Variants in GSTCD observed in about 807,000 individuals in gnomAD.
The protein encoded by GSTCD is glutathione S-transferase C-terminal domain containing, also known as glutathione S-transferase C-terminal domain-containing protein.
In GSTCD, 44 loss-of-function variants were observed where a neutral mutation model predicts 68.3. The observed-to-expected ratio is 0.64, with a 90% CI of 0.51 to 0.83. The LOEUF (loss-of-function observed/expected upper bound fraction) is 0.83, where lower values mean the gene tolerates loss of function less well. GSTCD is among the 40% of genes least tolerant of loss of function. GSTCD has a pLI of 0.00. For synonymous variants in GSTCD, 273 were observed against 255.2 expected, an observed-to-expected ratio of 1.07 and a Z score of -0.67; for missense variants, 739 against 735.9, an observed-to-expected ratio of 1.00 and a Z score of -0.05.
chr4:105,841,674 G>GGA (rs1553967550), intron 10 of GSTCD, among the ~76,000 whole-genome samples: 1 of 150,118 alleles, frequency 6.7e-6, no homozygotes, highest in East Asian at 2.0e-4. Context: ...CGTTTCTATT[G>GGA]AAAAAAAAAT....
At chr4:105,818,368 T>G (rs1723108915) in intron 5 of GSTCD, among the ~76,000 whole-genome samples, 1 of 151,868 alleles carries the variant, frequency 6.6e-6, no homozygotes. Context: ...CCTAAAGTTT[T>G]AAAGCAAGGA....
chr4:105,814,091 A>G (rs568322527), intron 5 of GSTCD, among the ~76,000 whole-genome samples: 7 of 152,256 alleles, frequency 4.6e-5, no homozygotes, highest in African/African-American at 1.4e-4. Flanking sequence ...TTTCGGAAAA[A>G]ATGCCTTCCC....
chr4:105,830,847 A>G (rs1478732237), intron 8 of GSTCD, among the ~76,000 whole-genome samples: 1 of 152,166 alleles, frequency 6.6e-6, no homozygotes, highest in South Asian at 2.1e-4. Context: ...ATACAAAACC[A>G]TGAGAAAAGA....
At position 105,759,301 on chromosome 4, in the gene GSTCD, C is replaced by A. The variant is rs192412762; in HGVS notation, c.1240+29802C>A. 4.0e-4 allele frequency among the ~76,000 whole-genome samples: 60 copies of A among 151,756 alleles called. 1 individual carries two copies. Among genetic ancestry groups the A allele is most frequent in the Middle Eastern group, 3.4e-3 (1 of 292 alleles). On this transcript the variant is annotated intron_variant, in intron 5 of 11. Coordinates refer to ENST00000515279, the MANE Select transcript of GSTCD (RefSeq NM_001370181.1). ...TCTCTACATTGTGCTAACGGAATTC[C>A]CAAGAATATTTATTATTATTATTAT...
intron 5 of GSTCD, among the ~76,000 whole-genome samples, chr4:105,734,602 A>T (rs1159820694): frequency 6.6e-6 from 1 of 152,090 alleles, no homozygotes; most frequent in African/African-American, 2.4e-5. Flanking sequence ...TCTTTTTGCA[A>T]CGTTTTTAGC....
chr4:105,726,015 T>C (rs865860647), intron 3 of GSTCD, among the ~76,000 whole-genome samples: 1 of 152,044 alleles, frequency 6.6e-6, no homozygotes, highest in African/African-American at 2.4e-5. Flanking sequence ...CCATAAAACC[T>C]AGCAATTTGA....
At chr4:105,710,232 A>ACTTTTT (rs1732479601) in intron 1 of GSTCD, among the ~76,000 whole-genome samples, 1 of 85,722 alleles carries the variant, frequency 1.2e-5, no homozygotes, top group Non-Finnish European at 2.0e-5. Context: ...GGGCCCATCA[A>ACTTTTT]TTTTTTTTTT....
chr4:105,789,015 G>C (rs1383678990), intron 5 of GSTCD, among the ~76,000 whole-genome samples: 1 of 152,012 alleles, frequency 6.6e-6, no homozygotes, highest in Non-Finnish European at 1.5e-5. Context: ...GTGTCTTCAA[G>C]GGGAAGTGAC....
intron 5 of GSTCD, among the ~76,000 whole-genome samples, chr4:105,736,925 A>T (rs776865197): frequency 6.6e-6 from 1 of 152,088 alleles, no homozygotes; most frequent in Non-Finnish European, 1.5e-5. Context: ...TTTCATTTTT[A>T]TGGCTGGATA....
At chr4:105,784,673 T>C (rs1020489786) in intron 5 of GSTCD, among the ~76,000 whole-genome samples, 1 of 152,252 alleles carries the variant, frequency 6.6e-6, no homozygotes, top group Non-Finnish European at 1.5e-5. Context: ...ATTGGCAAAC[T>C]AAGGAAAAGC....
At chr4:105,759,536 A>C (rs1020716035) in intron 5 of GSTCD, among the ~76,000 whole-genome samples, 1 of 152,154 alleles carries the variant, frequency 6.6e-6, no homozygotes, top group Non-Finnish European at 1.5e-5. Flanking sequence ...AGACTGAGCT[A>C]CTTGAGGGCA....
At chr4:105,719,892 C>G (rs1732806840) in intron 3 of GSTCD, among the ~76,000 whole-genome samples, 1 of 151,480 alleles carries the variant, frequency 6.6e-6, no homozygotes, top group Non-Finnish European at 1.5e-5. Flanking sequence ...CAAGTCGGCT[C>G]TGTGGTGCAA....
chr4:105,719,709 A>G, intron 3 of GSTCD, 182 bp downstream of exon 3: 1 of 570,242 alleles, frequency 1.8e-6, no homozygotes, highest in South Asian at 2.2e-5. Flanking sequence ...GGAAAAATGT[A>G]AGGAACAAAT....
intron 5 of GSTCD, among the ~76,000 whole-genome samples, chr4:105,765,569 A>G (rs1734572402): frequency 1.3e-5 from 2 of 152,224 alleles, no homozygotes; most frequent in Non-Finnish European, 2.9e-5. Context: ...TCAGGTGCAT[A>G]TGCACAGTGA....
chr4:105,726,776 G>A lies in GSTCD; in HGVS notation c.1092G>A (p.Glu364=). 1 of 1,613,642 alleles carries A rather than the reference G, an allele frequency of 6.2e-7. No individual in the cohort carries two copies. The highest frequency in any genetic ancestry group is 8.5e-7 in the Non-Finnish European group (1 of 1,179,704). The change falls in exon 4 of 12, where the codon GAG becomes GAA. Residue 364 remains glutamate, a synonymous_variant. Coordinates refer to ENST00000515279, the MANE Select transcript of GSTCD (RefSeq NM_001370181.1). ...TATGTGAAGTCCCAGGTGTAGAAGAGCAAAGCGATCCTTTATTTATAGGAG... is the reference window on the plus strand; with the variant it reads ...TATGTGAAGTCCCAGGTGTAGAAGAACAAAGCGATCCTTTATTTATAGGAG... ...PNLCEVPGVE[E]QSDPLFIGGP...
At chr4:105,837,529 G>C (rs116093546) in intron 9 of GSTCD, among the ~76,000 whole-genome samples, 1 of 152,196 alleles carries the variant, frequency 6.6e-6, no homozygotes, top group Non-Finnish European at 1.5e-5. Context: ...GTCCTCTCCT[G>C]ATCTGTTGGC....
chr4:105,838,550 C>G (rs1560856264), intron 10 of GSTCD, among the ~76,000 whole-genome samples: 1 of 152,210 alleles, frequency 6.6e-6, no homozygotes, highest in African/African-American at 2.4e-5. Context: ...TGGTCATAGG[C>G]TAGACTTGGC....
At chr4:105,782,642 A>G (rs908980415) in intron 5 of GSTCD, among the ~76,000 whole-genome samples, 1 of 152,008 alleles carries the variant, frequency 6.6e-6, no homozygotes, top group Non-Finnish European at 1.5e-5. Flanking sequence ...CTGGAGTACA[A>G]TGCTGTGATC....
chr4:105,758,751 A>G (rs1048074107), intron 5 of GSTCD, among the ~76,000 whole-genome samples: 1 of 152,196 alleles, frequency 6.6e-6, no homozygotes, highest in African/African-American at 2.4e-5. Flanking sequence ...CATATTGCTA[A>G]ACTGATTTCC....
Sources: gnomAD v4.1 joint callset for allele counts (sites outside exome capture counted in the v4.1 genomes callset) on GRCh38, gnomAD v4.1.1 for gene constraint, MANE v1.5 for transcripts, NCBI Gene and HGNC (gene_info 2026-07-23, HGNC 2026-07-21) for gene names.